GALNT18: variants seen among roughly 807,000 people sequenced by gnomAD.
The protein encoded by GALNT18 is GalNAc-transferase 18.
In GALNT18, 44 loss-of-function variants were observed where a neutral mutation model predicts 69.5. The observed-to-expected ratio is 0.63, with a 90% CI of 0.50 to 0.81. GALNT18 has a LOEUF of 0.81. Among genes scored for constraint, GALNT18 ranks in the 40% least tolerant of loss-of-function variants. The pLI, the probability that GALNT18 is intolerant of heterozygous loss-of-function variation, is 0.00. For missense variants in GALNT18, 715 were observed against 810.0 expected (o/e 0.88, Z 1.42); for synonymous variants, 364 against 318.2 (o/e 1.14, Z -1.53).
In GALNT18 at chr11:11,436,206, T is replaced by C. The variant is rs545148293; in HGVS notation, c.429-3419A>G. On this transcript the variant is annotated intron_variant, in intron 2 of 10. Coordinates refer to ENST00000227756, the MANE Select transcript of GALNT18 (RefSeq NM_198516.3). The surrounding 1 kb of genome is among the most constrained non-coding windows in gnomAD (Gnocchi z 4.5). ...TCTGCCCCACCTTGCTGTGTGACCATGAATGAGCCACCTTCCCTCTCTGCT... is the reference window on the plus strand; with the variant it reads ...TCTGCCCCACCTTGCTGTGTGACCACGAATGAGCCACCTTCCCTCTCTGCT... 1.9e-4 allele frequency among the ~76,000 whole-genome samples: 29 copies of C among 152,342 alleles called. No individual in the cohort carries two copies. The East Asian group carries it at 5.6e-3, about 29-fold the overall frequency.
rs1859323201 is a variant in GALNT18, at chr11:11,590,258, C to G, written c.235+31101G>C. Among the ~76,000 whole-genome samples the G allele has an allele frequency of 6.6e-6, 1 of 152,210 alleles. No homozygotes were observed. Among genetic ancestry groups the G allele is most frequent in the Non-Finnish European group, 1.5e-5 (1 of 68,042 alleles). On this transcript the variant is annotated intron_variant, in intron 1 of 10. Coordinates refer to ENST00000227756, the MANE Select transcript of GALNT18 (RefSeq NM_198516.3). This position sits in a 1 kb window ranked among gnomAD's most constrained non-coding sequence, Gnocchi z 4.4. ...CATGCGAGTCCTGGCTCATGGGCACCTCCATGCTCTTTCCATGTTCTCTCT... is the reference window on the plus strand; with the variant it reads ...CATGCGAGTCCTGGCTCATGGGCACGTCCATGCTCTTTCCATGTTCTCTCT...
At chr11:11,437,213 C>G (rs188821289) in intron 2 of GALNT18, among the ~76,000 whole-genome samples, 1 of 152,170 alleles carries the variant, frequency 6.6e-6, no homozygotes, top group Non-Finnish European at 1.5e-5. Context: ...CACAACTGCA[C>G]GAGACCGAGC....
Position 11,383,971 on chromosome 11 carries a change from T to G in GALNT18, c.596-4707A>C, listed in dbSNP as rs1481111742. ...AACTGTGAGTCAATTAAACCTCTTT[T>G]CTTTATAAATTGCCCAGTCTCAGGT... On this transcript the variant is annotated intron_variant, in intron 3 of 10. Transcript: ENST00000227756. The surrounding 1 kb of genome is among the most constrained non-coding windows in gnomAD (Gnocchi z 5.2). Among the ~76,000 whole-genome samples, 1 of 152,180 alleles carries G rather than the reference T, an allele frequency of 6.6e-6. No individual in the cohort carries two copies. The highest frequency in any genetic ancestry group is 2.4e-5 in the African/African-American group (1 of 41,434).
chr11:11,350,192 GA>G (rs1164163455), intron 6 of GALNT18, among the ~76,000 whole-genome samples: 1 of 152,186 alleles, frequency 6.6e-6, no homozygotes, highest in African/African-American at 2.4e-5. Context: ...TTACCCACAG[GA>G]AACCCAGGGT....
intron 9 of GALNT18, among the ~76,000 whole-genome samples, chr11:11,326,149 A>T (rs571609889): frequency 5.6e-5 from 8 of 143,746 alleles, no homozygotes; most frequent in Admixed American, 7.5e-5. Context: ...GGTTCACGCC[A>T]TTCTCCTGCG....
intron 10 of GALNT18, among the ~76,000 whole-genome samples, chr11:11,279,103 C>A (rs1291143987): frequency 6.6e-6 from 1 of 152,184 alleles, no homozygotes; most frequent in African/African-American, 2.4e-5. Flanking sequence ...TCTCTCCGCT[C>A]TGAGTCTACA....
In GALNT18 at chr11:11,618,470, T is replaced by C. The variant is rs922748979; in HGVS notation, c.235+2889A>G. 1.3e-5 allele frequency among the ~76,000 whole-genome samples: 2 copies of C among 152,218 alleles called. No individual in the cohort carries two copies. Among genetic ancestry groups the C allele is most frequent in the African/African-American group, 4.8e-5 (2 of 41,460 alleles). On this transcript the variant is annotated intron_variant, in intron 1 of 10. Coordinates refer to ENST00000227756, the MANE Select transcript of GALNT18 (RefSeq NM_198516.3). This position sits in a 1 kb window ranked among gnomAD's most constrained non-coding sequence, Gnocchi z 6.1. ...ACAAAGCAAAACCTGAGTTTATCTA[T>C]GGAGTTTCCAAGTGGGAAGGCTGCT...
At chr11:11,585,801 G>GTTTTTT (rs57051547) in intron 1 of GALNT18, among the ~76,000 whole-genome samples, 1 of 115,896 alleles carries the variant, frequency 8.6e-6, no homozygotes, top group African/African-American at 3.3e-5. Context: ...TTCTCAATAA[G>GTTTTTT]TTTTTTTTTT....
chr11:11,362,669 T>A (rs943556016), intron 6 of GALNT18, among the ~76,000 whole-genome samples: 8 of 152,120 alleles, frequency 5.3e-5, no homozygotes, highest in African/African-American at 1.9e-4. Context: ...TTAAAAAAAA[T>A]ATTCCACAAC....
chr11:11,472,195 C>G (rs1211044366), intron 1 of GALNT18, among the ~76,000 whole-genome samples: 1 of 152,212 alleles, frequency 6.6e-6, no homozygotes, highest in Non-Finnish European at 1.5e-5. Context: ...GGCCATGTCT[C>G]CCACTGTTCT....
intron 6 of GALNT18, among the ~76,000 whole-genome samples, chr11:11,354,052 G>C (rs1259943040): frequency 1.3e-5 from 2 of 152,200 alleles, no homozygotes; most frequent in Non-Finnish European, 2.9e-5. Flanking sequence ...TTGTTCTAAA[G>C]AGCTTCCCCT....
chr11:11,295,032 T>G (rs1849371245), intron 9 of GALNT18, among the ~76,000 whole-genome samples: 1 of 152,254 alleles, frequency 6.6e-6, no homozygotes, highest in African/African-American at 2.4e-5. Flanking sequence ...TATGTATTTC[T>G]TGCTTTAGCA....
intron 6 of GALNT18, among the ~76,000 whole-genome samples, chr11:11,343,073 G>A (rs1300320241): frequency 6.6e-6 from 1 of 152,202 alleles, no homozygotes; most frequent in Non-Finnish European, 1.5e-5. Flanking sequence ...GCCAGTTGCG[G>A]TGGCTCACGC....
intron 6 of GALNT18, among the ~76,000 whole-genome samples, chr11:11,346,084 G>A (rs567225045): frequency 3.9e-5 from 6 of 152,254 alleles, no homozygotes; most frequent in East Asian, 3.9e-4. Context: ...GCTCAAATAC[G>A]ACCTCTTTTG....
At chr11:11,422,006 T>A (rs1171470452) in intron 3 of GALNT18, among the ~76,000 whole-genome samples, 1 of 152,204 alleles carries the variant, frequency 6.6e-6, no homozygotes, top group Non-Finnish European at 1.5e-5. Flanking sequence ...GTTGAATCAG[T>A]TGAATCTGTC....
intron 10 of GALNT18, among the ~76,000 whole-genome samples, chr11:11,273,926 G>C (rs993799803): frequency 6.6e-6 from 1 of 152,176 alleles, no homozygotes; most frequent in Non-Finnish European, 1.5e-5. Flanking sequence ...CCGGTCTGCA[G>C]CTCTAAGAGA....
intron 3 of GALNT18, among the ~76,000 whole-genome samples, chr11:11,423,066 G>A (rs1422932812): frequency 3.9e-5 from 6 of 152,212 alleles, no homozygotes; most frequent in East Asian, 1.9e-4. Flanking sequence ...ACACTACTGC[G>A]TAAGTGCGCA....
At chr11:11,483,045 C>A (rs527992956) in intron 1 of GALNT18, among the ~76,000 whole-genome samples, 1 of 152,316 alleles carries the variant, frequency 6.6e-6, no homozygotes, top group African/African-American at 2.4e-5. Context: ...AGATTCACTC[C>A]ATTTGCTCAG....
chr11:11,571,648 A>G (rs1015587765), intron 1 of GALNT18, among the ~76,000 whole-genome samples: 15 of 152,184 alleles, frequency 9.9e-5, no homozygotes, highest in Admixed American at 1.3e-4. Flanking sequence ...TCAATTAGCC[A>G]TGTCCAGGCT....
Sources: gnomAD v4.1 joint callset for allele counts (sites outside exome capture counted in the v4.1 genomes callset) on GRCh38, gnomAD v4.1.1 for gene constraint, Gnocchi (gnomAD v3.1) non-coding constraint, MANE v1.5 for transcripts, NCBI Gene and HGNC (gene_info 2026-07-23, HGNC 2026-07-21) for gene names.